RAB3IP: variants seen among roughly 807,000 people sequenced by gnomAD.
RAB3IP encodes RAB3A interacting protein.
RAB3IP carries 36 observed loss-of-function variants against 59.1 expected under a neutral mutation model. The ratio of observed to expected loss-of-function variants is 0.61; its 90% confidence interval spans 0.47 to 0.80. The LOEUF (loss-of-function observed/expected upper bound fraction) is 0.80, where lower values mean the gene tolerates loss of function less well. Ranked by LOEUF, RAB3IP falls within the 30% of genes least tolerant of loss-of-function variation. The probability of loss-of-function intolerance (pLI) is 0.00; values close to 1 mark genes in which losing one functional copy is unlikely to be tolerated. For synonymous variants in RAB3IP, 207 were observed against 191.2 expected (o/e 1.08, Z -0.68); for missense variants, 511 against 536.0 (o/e 0.95, Z 0.46).
rs901955603 is a variant in RAB3IP at position 69,815,888 on chromosome 12, G to A, written c.*442G>A. 6.6e-6 allele frequency: 1 copy of A among 152,606 alleles called. No homozygotes were observed. The highest frequency in any genetic ancestry group is 2.4e-5 in the African/African-American group (1 of 41,396). The allele number at this position is 152,606 out of a possible 1,614,324, so 9.5% of individuals were successfully genotyped here. On this transcript the variant is annotated 3_prime_UTR_variant, in exon 11 of 11. Coordinates refer to ENST00000247833, the MANE Select transcript of RAB3IP (RefSeq NM_022456.5). Reference sequence around the variant, plus strand: ...TTCCAAGGCCCCCACCTCTAGAATGGCTTTATTTTTATCTGTTTTCTATAT... The same window carrying A: ...TTCCAAGGCCCCCACCTCTAGAATGACTTTATTTTTATCTGTTTTCTATAT...
chr12:69,759,754 C>T (rs1453188294), intron 3 of RAB3IP, among the ~76,000 whole-genome samples: 1 of 151,506 alleles, frequency 6.6e-6, no homozygotes, highest in Non-Finnish European at 1.5e-5. Context: ...GCTGACCCCC[C>T]ACCTCCCTCC....
intron 8 of RAB3IP, among the ~76,000 whole-genome samples, chr12:69,806,790 C>T (rs1419472365): frequency 6.6e-6 from 1 of 152,086 alleles, no homozygotes; most frequent in Non-Finnish European, 1.5e-5. Flanking sequence ...TCTTAATGAG[C>T]ATGCAGCCTT....
At chr12:69,788,480 T>C (rs1024824198) in intron 4 of RAB3IP, among the ~76,000 whole-genome samples, 7 of 152,168 alleles carry the variant, frequency 4.6e-5, no homozygotes, top group African/African-American at 7.2e-5. Flanking sequence ...CACTGTCATA[T>C]ATGCAGTCCA....
At chr12:69,779,378 C>T (rs138720091) in intron 3 of RAB3IP, among the ~76,000 whole-genome samples, 2,400 of 151,340 alleles carry the variant, frequency 0.016, 60 homozygotes, top group African/African-American at 0.055. Flanking sequence ...CCGTCTTCTG[C>T]GTCGCTCACG....
intron 1 of RAB3IP, among the ~76,000 whole-genome samples, chr12:69,744,990 A>C (rs533183737): frequency 6.6e-6 from 1 of 152,260 alleles, no homozygotes; most frequent in Admixed American, 6.5e-5. Context: ...ACAGTATTTG[A>C]ATAAATTTTG....
chr12:69,793,583 G>C (rs188438371), intron 4 of RAB3IP, among the ~76,000 whole-genome samples: 1 of 151,882 alleles, frequency 6.6e-6, no homozygotes, highest in Non-Finnish European at 1.5e-5. Context: ...CCCTTACAGG[G>C]ATTATTCTAT....
intron 5 of RAB3IP, 54 bp from the exon 6 acceptor site, chr12:69,795,087 G>A (rs992121001): frequency 4.1e-5 from 53 of 1,303,736 alleles, no homozygotes; most frequent in South Asian, 3.1e-4. Context: ...ATATTTAGCT[G>A]CATATGTCAT....
chr12:69,807,383 C>G (rs372004122), intron 8 of RAB3IP, among the ~76,000 whole-genome samples: 2 of 144,658 alleles, frequency 1.4e-5, no homozygotes, highest in Non-Finnish European at 3.0e-5. Flanking sequence ...ACCTCCCTGA[C>G]GGGGCGGCCG....
chr12:69,760,539 C>T (rs1486077825), intron 3 of RAB3IP, among the ~76,000 whole-genome samples: 1 of 152,194 alleles, frequency 6.6e-6, no homozygotes. Context: ...AGATTTCCAA[C>T]TCGTATCATT....
At chr12:69,801,964 A>G (rs2136249030) in intron 8 of RAB3IP, among the ~76,000 whole-genome samples, 2 of 143,454 alleles carry the variant, frequency 1.4e-5, no homozygotes, top group South Asian at 5.2e-4. Context: ...GCTTGTTGCC[A>G]TTGAAAGTAA....
intron 8 of RAB3IP, 56 bp downstream of exon 8, chr12:69,801,777 G>A: frequency 9.2e-7 from 1 of 1,085,538 alleles, no homozygotes; most frequent in Non-Finnish European, 1.4e-6. Context: ...AATGTTATGG[G>A]TTGCAGTTAT....
At chr12:69,749,257 A>C (rs1205461811) in intron 1 of RAB3IP, among the ~76,000 whole-genome samples, 1 of 152,184 alleles carries the variant, frequency 6.6e-6, no homozygotes, top group African/African-American at 2.4e-5. Context: ...CGTATTGTGA[A>C]CTGCACATTG....
At chr12:69,815,000 T>A (rs1208267387) in intron 10 of RAB3IP, among the ~76,000 whole-genome samples, 1 of 152,168 alleles carries the variant, frequency 6.6e-6, no homozygotes, top group East Asian at 1.9e-4. Flanking sequence ...TATAACAAAC[T>A]AGAGCAAGAA....
At chr12:69,750,507 G>T (rs1235056809) in intron 1 of RAB3IP, among the ~76,000 whole-genome samples, 2 of 141,054 alleles carry the variant, frequency 1.4e-5, no homozygotes, top group African/African-American at 2.6e-5. Context: ...ATTGTGTTTA[G>T]TTAATTCTCT....
chr12:69,822,757 T>A lies in RAB3IP; in HGVS notation c.*7311T>A, dbSNP rs537709305. ...ATTTGATCATTATACGTTGTATGTTTGTATCAAAATATCATATGTACCCCA... is the reference window on the plus strand; with the variant it reads ...ATTTGATCATTATACGTTGTATGTTAGTATCAAAATATCATATGTACCCCA... On this transcript the variant is annotated 3_prime_UTR_variant, in exon 11 of 11. Transcript: ENST00000247833. 2.0e-5 allele frequency: 3 copies of A among 152,294 alleles called. No homozygotes were observed. The highest frequency in any genetic ancestry group is 7.2e-5 in the African/African-American group (3 of 41,552). The allele number at this position is 152,294 out of a possible 1,614,324, so 9.4% of individuals were successfully genotyped here.
rs757190650 is a variant in RAB3IP, at chr12:69,801,597, T to C, written c.1018-12T>C. The stretch of plus-strand genomic sequence containing the variant: ...CCAGTATAGCATCTAGTACTTTTTC[T>C]TTTTTTTTAAGTTGGCTTCAGCTGT... On this transcript the variant is annotated splice_polypyrimidine_tract_variant and intron_variant, in intron 7 of 10. Transcript: ENST00000247833. 6.1e-6 allele frequency: 9 copies of C among 1,478,434 alleles called. No individual in the cohort carries two copies. The highest frequency in any genetic ancestry group is 1.8e-4 in the Middle Eastern group (1 of 5,676). The allele number at this position is 1,478,434 out of a possible 1,614,324, so 91.6% of individuals were successfully genotyped here.
At chr12:69,806,269 C>G (rs1184648791) in intron 8 of RAB3IP, among the ~76,000 whole-genome samples, 1 of 152,138 alleles carries the variant, frequency 6.6e-6, no homozygotes, top group African/African-American at 2.4e-5. Flanking sequence ...TCTAGATTTT[C>G]TAGTTTATTT....
At chr12:69,744,738 G>C (rs539192359) in intron 1 of RAB3IP, among the ~76,000 whole-genome samples, 1 of 150,876 alleles carries the variant, frequency 6.6e-6, no homozygotes, top group South Asian at 2.1e-4. Context: ...GAATTCATTT[G>C]TGATCTATTA....
At chr12:69,767,481 G>A (rs1391963070) in intron 3 of RAB3IP, among the ~76,000 whole-genome samples, 1 of 152,236 alleles carries the variant, frequency 6.6e-6, no homozygotes, top group Non-Finnish European at 1.5e-5. Context: ...GTTCACTCAT[G>A]GCAAGCACAA....
Sources: allele counts gnomAD v4.1 joint callset (sites outside exome capture counted in the v4.1 genomes callset), GRCh38; gene constraint gnomAD v4.1.1; transcripts MANE v1.5; gene names NCBI Gene and HGNC (gene_info 2026-07-23, HGNC 2026-07-21).